C4orf17: variants seen among roughly 807,000 people sequenced by gnomAD.
C4orf17 encodes the protein uncharacterized protein C4orf17.
C4orf17 carries 25 observed loss-of-function variants against 32.0 expected under a neutral mutation model. The ratio of observed to expected loss-of-function variants is 0.78; its 90% CI spans 0.57 to 1.09. C4orf17 has a LOEUF of 1.09. Among genes scored for constraint, C4orf17 ranks in the 50% least tolerant of loss-of-function variants. The pLI is 0.00. For missense variants in C4orf17, 420 were observed against 420.0 expected (o/e 1.00, Z 0.00); for synonymous variants, 149 against 145.8 (o/e 1.02, Z -0.16).
At chr4:99,518,504 AAAAAAAAAAAAAAAATAT>A (rs1360070903) in intron 2 of C4orf17, among the ~76,000 whole-genome samples, 9 of 68,738 alleles carry the variant, frequency 1.3e-4, no homozygotes, top group African/African-American at 7.3e-4. Flanking sequence ...AAAAAAAAAA[AAAAAAAAAAAAAAAATAT>A]ATATATATAT....
At position 99,522,210 on chromosome 4, in the gene C4orf17, C is replaced by G. The variant is rs568161050; in HGVS notation, c.128-290C>G. Among the ~76,000 whole-genome samples the G allele has an allele frequency of 1.5e-3, 222 of 152,282 alleles. 1 individual carries two copies. The highest frequency in any genetic ancestry group is 2.5e-3 in the South Asian group (12 of 4,828). On this transcript the variant is annotated intron_variant, in intron 2 of 8. Coordinates refer to ENST00000326581, the MANE Select transcript of C4orf17 (RefSeq NM_032149.3). ...ATTTGTCTGGGATAGAAGGTCTACT[C>G]CACTTGAATCCCAGACCAACATCGA...
intron 4 of C4orf17, among the ~76,000 whole-genome samples, chr4:99,526,116 ATATTAT>A (rs1723384297): frequency 1.3e-5 from 2 of 152,182 alleles, no homozygotes; most frequent in Admixed American, 1.3e-4. Context: ...TCACCATTAA[ATATTAT>A]GTTCATATTA....
At chr4:99,525,078 A>G (rs1269961084) in intron 4 of C4orf17, among the ~76,000 whole-genome samples, 2 of 152,128 alleles carry the variant, frequency 1.3e-5, no homozygotes, top group African/African-American at 2.4e-5. Context: ...GTGTTGATCT[A>G]TTTACCTGTT....
chr4:99,526,033 A>G (rs1723383042), intron 4 of C4orf17, among the ~76,000 whole-genome samples: 1 of 152,148 alleles, frequency 6.6e-6, no homozygotes, highest in Non-Finnish European at 1.5e-5. Context: ...CCTCTAGTAC[A>G]ATGTTGAATA....
chr4:99,540,296 T>C (rs1404093980), intron 7 of C4orf17, 116 bp from the exon 8 acceptor site: 22 of 628,288 alleles, frequency 3.5e-5, no homozygotes, highest in Non-Finnish European at 4.2e-5. Context: ...AAACAAAGAA[T>C]TGGGGTAGCA....
chr4:99,540,801 A>C (rs531003918), intron 8 of C4orf17: 100 of 165,820 alleles, frequency 6.0e-4, no homozygotes, highest in Non-Finnish European at 1.1e-3. Context: ...TTCACAGCTT[A>C]ATGGAGTTAA....
intron 2 of C4orf17, among the ~76,000 whole-genome samples, chr4:99,520,896 CTTAT>C (rs1384977868): frequency 2.0e-5 from 3 of 152,046 alleles, no homozygotes; most frequent in Non-Finnish European, 4.4e-5. Context: ...ATAAATTATA[CTTAT>C]AAGTATAGAT....
intron 6 of C4orf17, 56 bp from the exon 7 acceptor site, chr4:99,539,107 C>T (rs1202098707): frequency 2.0e-6 from 3 of 1,474,810 alleles, no homozygotes; most frequent in Non-Finnish European, 2.8e-6. Flanking sequence ...GTGTTTCTAT[C>T]CAACATGATA....
chr4:99,526,144 T>C (rs1937261754), intron 4 of C4orf17, among the ~76,000 whole-genome samples: 1 of 152,216 alleles, frequency 6.6e-6, no homozygotes, highest in African/African-American at 2.4e-5. Flanking sequence ...TGGATGACCT[T>C]TATATGGCTG....
At chr4:99,530,124 A>C (rs1723454438) in intron 5 of C4orf17, among the ~76,000 whole-genome samples, 166 bp downstream of exon 5, 1 of 152,094 alleles carries the variant, frequency 6.6e-6, no homozygotes, top group Admixed American at 6.6e-5. Flanking sequence ...TTTCATTCCC[A>C]GTCTTAACTT....
chr4:99,518,608 G>T (rs185209203), intron 2 of C4orf17, among the ~76,000 whole-genome samples: 5 of 141,724 alleles, frequency 3.5e-5, no homozygotes, highest in Admixed American at 2.8e-4. Flanking sequence ...GAGAGAGAGA[G>T]ACTGTTTATC....
intron 6 of C4orf17, 60 bp from the exon 7 acceptor site, chr4:99,539,103 C>CA: frequency 7.0e-7 from 1 of 1,435,252 alleles, no homozygotes; most frequent in African/African-American, 1.4e-5. Context: ...TCCTGTGTTT[C>CA]TATCCAACAT....
At chr4:99,528,716 C>T (rs1266936224) in intron 4 of C4orf17, among the ~76,000 whole-genome samples, 1 of 152,022 alleles carries the variant, frequency 6.6e-6, no homozygotes, top group Non-Finnish European at 1.5e-5. Flanking sequence ...AAAGTGAGAG[C>T]CAAGTAAAGG....
intron 5 of C4orf17, among the ~76,000 whole-genome samples, chr4:99,536,640 G>T (rs569313614): frequency 6.6e-6 from 1 of 152,184 alleles, no homozygotes; most frequent in Non-Finnish European, 1.5e-5. Flanking sequence ...CTGGGAACTT[G>T]GTCCCATCAC....
intron 4 of C4orf17, among the ~76,000 whole-genome samples, chr4:99,528,234 A>C (rs1723422321): frequency 1.3e-5 from 2 of 152,110 alleles, no homozygotes. Flanking sequence ...TTTTCAACAA[A>C]AGTTTATTCA....
At chr4:99,522,792 GCTGCAGTGGTTTTTACATC>G in intron 3 of C4orf17, 83 bp downstream of exon 3, 1 of 1,064,556 alleles carries the variant, frequency 9.4e-7, no homozygotes, top group African/African-American at 1.6e-5. Context: ...TGCTAAAATA[GCTGCAGTGGTTTTTACATC>G]AAGTTTCCTC....
At chr4:99,511,484 G>C (rs778855303) in intron 1 of C4orf17, among the ~76,000 whole-genome samples, 4 of 151,626 alleles carry the variant, frequency 2.6e-5, no homozygotes, top group Non-Finnish European at 5.9e-5. Flanking sequence ...ATTGATGTGG[G>C]ACAGACACAT....
At chr4:99,533,414 A>G (rs1479653696) in intron 5 of C4orf17, among the ~76,000 whole-genome samples, 2 of 152,204 alleles carry the variant, frequency 1.3e-5, no homozygotes, top group African/African-American at 4.8e-5. Flanking sequence ...AACAGACACT[A>G]CAGATTGGAC....
At chr4:99,541,879 G>A in intron 8 of C4orf17, 31 bp from the exon 9 acceptor site, 1 of 1,487,728 alleles carries the variant, frequency 6.7e-7, no homozygotes, top group Non-Finnish European at 9.3e-7. Flanking sequence ...TCTCAATTAT[G>A]GTCTTATTTA....
Sources: allele counts gnomAD v4.1 joint callset (sites outside exome capture counted in the v4.1 genomes callset), GRCh38; gene constraint gnomAD v4.1.1; transcripts MANE v1.5; gene names NCBI Gene and HGNC (gene_info 2026-07-23, HGNC 2026-07-21).